MAD1L1: variants seen among roughly 807,000 people sequenced by gnomAD.
The protein encoded by MAD1L1 is mitotic arrest deficient 1 like 1, also known as mitotic spindle assembly checkpoint protein MAD1.
MAD1L1 carries 95 observed loss-of-function variants against 96.9 expected under a neutral mutation model. The observed-to-expected ratio is 0.98, with a 90% CI of 0.83 to 1.16. MAD1L1 has a LOEUF of 1.16. Among genes scored for constraint, MAD1L1 ranks in the 50% most tolerant of loss-of-function variants. The probability of loss-of-function intolerance (pLI) is 0.00; values close to 1 mark genes in which losing one functional copy is unlikely to be tolerated. For synonymous variants in MAD1L1, 473 were observed against 396.6 expected, an observed-to-expected ratio of 1.19 and a Z score of -2.29; for missense variants, 1,007 against 954.4, an observed-to-expected ratio of 1.06 and a Z score of -0.73.
intron 11 of MAD1L1, among the ~76,000 whole-genome samples, chr7:2,120,898 C>T (rs898068768): frequency 2.6e-5 from 4 of 152,158 alleles, no homozygotes; most frequent in Admixed American, 1.3e-4. Flanking sequence ...GCCTCCAGGG[C>T]GGGGCGAGGA....
chr7:2,211,024 G>C (rs980339511), intron 10 of MAD1L1, among the ~76,000 whole-genome samples: 1 of 152,226 alleles, frequency 6.6e-6, no homozygotes, highest in African/African-American at 2.4e-5. Context: ...AGGTCTTACT[G>C]TTGGTGGCGG....
chr7:2,182,838 T>C (rs1211048149), intron 10 of MAD1L1, among the ~76,000 whole-genome samples: 9 of 152,168 alleles, frequency 5.9e-5, no homozygotes, highest in Admixed American at 4.6e-4. Context: ...TGGGCTTCCT[T>C]TGGGGACCAT....
intron 11 of MAD1L1, among the ~76,000 whole-genome samples, chr7:2,132,447 C>T (rs968583340): frequency 2.6e-5 from 4 of 151,516 alleles, no homozygotes; most frequent in Non-Finnish European, 4.4e-5. Context: ...TCCACCATCA[C>T]GGCCGCGTGC....
chr7:1,949,190 G>A (rs757585036), intron 16 of MAD1L1, among the ~76,000 whole-genome samples: 2 of 152,188 alleles, frequency 1.3e-5, no homozygotes, highest in East Asian at 1.9e-4. Context: ...GTGTGCACAC[G>A]CACTAGCTTG....
At chr7:2,050,246 G>A (rs932172364) in intron 12 of MAD1L1, among the ~76,000 whole-genome samples, 2 of 152,108 alleles carry the variant, frequency 1.3e-5, no homozygotes, top group African/African-American at 2.4e-5. Context: ...GGGCATCACC[G>A]CCCCTTCCAC....
intron 11 of MAD1L1, among the ~76,000 whole-genome samples, chr7:2,091,019 G>A (rs939838394): frequency 6.6e-6 from 1 of 152,110 alleles, no homozygotes; most frequent in Admixed American, 6.5e-5. Flanking sequence ...ATTCACCCGC[G>A]TTTATTTGAC....
chr7:2,188,828 C>T (rs1791581812), intron 10 of MAD1L1, among the ~76,000 whole-genome samples: 2 of 151,876 alleles, frequency 1.3e-5, no homozygotes, highest in South Asian at 4.2e-4. Context: ...AAAAAATAGA[C>T]AAATGAAATC....
intron 15 of MAD1L1, among the ~76,000 whole-genome samples, chr7:1,965,617 C>T (rs1327262626): frequency 1.3e-5 from 2 of 152,236 alleles, no homozygotes; most frequent in Non-Finnish European, 2.9e-5. Context: ...AGTATGGACT[C>T]CCCGGCCCCC....
intron 4 of MAD1L1, among the ~76,000 whole-genome samples, chr7:2,224,848 C>A (rs930491513): frequency 4.6e-5 from 7 of 152,170 alleles, no homozygotes; most frequent in African/African-American, 1.7e-4. Flanking sequence ...CACAGAGCCG[C>A]CATTGAGACC....
intron 10 of MAD1L1, among the ~76,000 whole-genome samples, chr7:2,150,120 C>T (rs1789496881): frequency 6.6e-6 from 1 of 152,168 alleles, no homozygotes; most frequent in Non-Finnish European, 1.5e-5. Context: ...GCCCGCACCG[C>T]ACCACTGAAT....
At chr7:2,220,760 T>C in intron 5 of MAD1L1, 1 of 1,076,732 alleles carries the variant, frequency 9.3e-7, no homozygotes, top group South Asian at 1.6e-5. Context: ...CCACAATATG[T>C]ACGGTTTACT....
At chr7:2,030,115 T>G (rs1288805318) in intron 12 of MAD1L1, among the ~76,000 whole-genome samples, 1 of 152,158 alleles carries the variant, frequency 6.6e-6, no homozygotes, top group Non-Finnish European at 1.5e-5. Context: ...TAGCCTCATT[T>G]CTGCAGGGCA....
chr7:2,169,124 C>T (rs1232620822), intron 10 of MAD1L1, among the ~76,000 whole-genome samples: 2 of 152,190 alleles, frequency 1.3e-5, no homozygotes, highest in Non-Finnish European at 2.9e-5. Flanking sequence ...ACAGGACAAG[C>T]GTGGGATGGC....
chr7:1,840,764 T>G (rs1036546138), intron 18 of MAD1L1, among the ~76,000 whole-genome samples: 2 of 152,164 alleles, frequency 1.3e-5, no homozygotes, highest in Non-Finnish European at 2.9e-5. Context: ...CAACAGCAGT[T>G]CAGGGCTCCT....
intron 17 of MAD1L1, among the ~76,000 whole-genome samples, chr7:1,936,232 G>C (rs984273143): frequency 2.0e-5 from 3 of 152,218 alleles, no homozygotes; most frequent in African/African-American, 7.2e-5. Context: ...GGAGGGTGTG[G>C]GCAGGCCCTG....
chr7:2,013,841 C>T (rs547922195), intron 13 of MAD1L1, among the ~76,000 whole-genome samples: 1 of 152,326 alleles, frequency 6.6e-6, no homozygotes, highest in Non-Finnish European at 1.5e-5. Context: ...CCAGGCCCTG[C>T]GATACCCAGC....
At chr7:2,054,248 G>A (rs1044789558) in intron 12 of MAD1L1, among the ~76,000 whole-genome samples, 1 of 152,240 alleles carries the variant, frequency 6.6e-6, no homozygotes, top group Non-Finnish European at 1.5e-5. Context: ...AAAGATGGGT[G>A]ACCTGAATCC....
intron 12 of MAD1L1, among the ~76,000 whole-genome samples, chr7:2,037,388 A>G (rs2128508881): frequency 6.6e-6 from 1 of 152,256 alleles, no homozygotes; most frequent in African/African-American, 2.4e-5. Context: ...GACTACACAG[A>G]TACTGTGCTT....
chr7:2,019,333 C>G (rs765008746), intron 12 of MAD1L1, among the ~76,000 whole-genome samples: 9 of 152,222 alleles, frequency 5.9e-5, no homozygotes, highest in Non-Finnish European at 1.3e-4. Context: ...ATGAGCAGGA[C>G]TCTGGCATCC....
Sources: allele counts gnomAD v4.1 joint callset (sites outside exome capture counted in the v4.1 genomes callset), GRCh38; gene constraint gnomAD v4.1.1; transcripts MANE v1.5; gene names NCBI Gene and HGNC (gene_info 2026-07-23, HGNC 2026-07-21).